Variants in GAREM2 observed in about 807,000 individuals in gnomAD.
GAREM2 encodes the protein GRB2 associated regulator of MAPK1 subtype 2.
A neutral mutation model predicts 55.6 loss-of-function variants in GAREM2; 30 were observed. The ratio of observed to expected loss-of-function variants is 0.54; its 90% CI spans 0.40 to 0.73. GAREM2 has a LOEUF of 0.73. Ranked by LOEUF, GAREM2 falls within the 30% of genes least tolerant of loss-of-function variation. The pLI, the probability that GAREM2 is intolerant of heterozygous loss-of-function variation, is 0.00. For missense variants in GAREM2, 1,075 were observed against 1,257.7 expected, an observed-to-expected ratio of 0.85 and a Z score of 2.20; for synonymous variants, 550 against 569.1, an observed-to-expected ratio of 0.97 and a Z score of 0.48.
chr2:26,194,955 T>C, the GAREM2 span: 8 of 832,600 alleles, frequency 9.6e-6, no homozygotes, highest in Non-Finnish European at 1.7e-5. Flanking sequence ...CCACCGTCCA[T>C]CCTGGAGACA....
rs112948982 is a variant in GAREM2 at position 26,179,052 on chromosome 2, A to C, written c.253+2568A>C. ...CGGCTGCGGACCGCGGAGAGAGCCG[A>C]GGGGAAGGCCGTGGAGGGAGGAGGA... On this transcript the variant is annotated intron_variant, in intron 2 of 5. Transcript: ENST00000401533. The surrounding 1 kb of genome is among the most constrained non-coding windows in gnomAD (Gnocchi z 4.7). Among the ~76,000 whole-genome samples the C allele has an allele frequency of 0.032, 4,819 of 152,116 alleles. 260 individuals are homozygous for C. The highest frequency in any genetic ancestry group is 0.11 in the African/African-American group (4,521 of 41,472).
intron 3 of GAREM2, among the ~76,000 whole-genome samples, chr2:26,183,299 G>A (rs535522187): frequency 3.5e-4 from 53 of 152,370 alleles, no homozygotes; most frequent in Non-Finnish European, 6.3e-4. Context: ...CCTATGAAAG[G>A]TAGTGAAGCA....
chr2:26,192,204 C>T (rs1284481448), downstream of GAREM2: 3 of 694,902 alleles, frequency 4.3e-6, no homozygotes, highest in East Asian at 2.6e-5. Context: ...ACATGTATCC[C>T]AGGACTTAAA....
At position 26,188,836 on chromosome 2, in the gene GAREM2, C is replaced by A. The variant is rs577314774; in HGVS notation, c.*579C>A. The A allele has an allele frequency of 6.6e-6, 1 of 152,370 alleles. No homozygotes were observed. Among genetic ancestry groups the A allele is most frequent in the Non-Finnish European group, 1.5e-5 (1 of 68,176 alleles). 9.4% of individuals were successfully genotyped at this position (152,370 alleles called of 1,614,324 possible). A position where few individuals can be genotyped will look rare whatever the true frequency, so the allele number is the denominator to read the frequency against. ...GGCCTGGCCCCGCACACAGGTGAGT[C>A]GTGTACAAGCCTAACCCATGGCACC... On this transcript the variant is annotated 3_prime_UTR_variant, in exon 6 of 6. Transcript: ENST00000401533.
At chr2:26,190,852 A>C (rs930966635), downstream of GAREM2, 1 of 302,500 alleles carries the variant, frequency 3.3e-6, no homozygotes, top group Non-Finnish European at 6.3e-6. Flanking sequence ...GAGGCGTTTA[A>C]ACCAGAAGGG....
Position 26,181,922 on chromosome 2 carries a change from T to C in GAREM2, c.254-1045T>C, listed in dbSNP as rs571451697. On this transcript the variant is annotated intron_variant, in intron 2 of 5. Transcript: ENST00000401533. ...TGAGCCCAGAAGGTTGAAGCTGCAG[T>C]GAGTTGTGATCATGCCACTGTACTC... 4.9e-5 allele frequency: 38 copies of C among 781,284 alleles called. No homozygotes were observed. In the South Asian group the frequency reaches 2.0e-3, roughly 41 times the overall value. The allele number at this position is 781,284 out of a possible 1,614,324, so 48.4% of individuals were successfully genotyped here. A position where few individuals can be genotyped will look rare whatever the true frequency, so the allele number is the denominator to read the frequency against.
chr2:26,196,373 G>A, the GAREM2 span, among the ~76,000 whole-genome samples: 1 of 152,134 alleles, frequency 6.6e-6, no homozygotes, highest in African/African-American at 2.4e-5. Flanking sequence ...CAGTACTCCT[G>A]AGCAAAAGGA....
chr2:26,197,100 G>C, the GAREM2 span, among the ~76,000 whole-genome samples: 1 of 152,210 alleles, frequency 6.6e-6, no homozygotes, highest in Non-Finnish European at 1.5e-5. Flanking sequence ...GTTCTGGTTA[G>C]CAGAGGCTAA....
At chr2:26,201,999 C>T in the GAREM2 span, among the ~76,000 whole-genome samples, 4 of 151,158 alleles carry the variant, frequency 2.6e-5, no homozygotes, top group African/African-American at 9.7e-5. Flanking sequence ...TGGGGTTTCA[C>T]CATCTTGGCC....
downstream of GAREM2, among the ~76,000 whole-genome samples, chr2:26,190,109 G>A (rs947565038): frequency 7.2e-5 from 11 of 152,204 alleles, no homozygotes; most frequent in African/African-American, 2.7e-4. Context: ...CTTGGTTTTA[G>A]AGTCTGGCTT....
Position 26,179,899 on chromosome 2 carries a change from T to C in GAREM2, c.254-3068T>C, listed in dbSNP as rs966687729. ...GGGGCAGTGGGCATTGCTCCCTGCCTGGCTACTTGTGGTTGGGGCAGGGGC... is the reference window on the plus strand; with the variant it reads ...GGGGCAGTGGGCATTGCTCCCTGCCCGGCTACTTGTGGTTGGGGCAGGGGC... On this transcript the variant is annotated intron_variant, in intron 2 of 5. Coordinates refer to ENST00000401533, the MANE Select transcript of GAREM2 (RefSeq NM_001168241.2). This position sits in a 1 kb window ranked among gnomAD's most constrained non-coding sequence, Gnocchi z 4.7. Among the ~76,000 whole-genome samples the C allele has an allele frequency of 3.3e-5, 5 of 149,520 alleles. No individual in the cohort carries two copies. The highest frequency in any genetic ancestry group is 3.3e-4 in the Admixed American group (5 of 15,050).
At chr2:26,193,827 A>G (rs1574602488), downstream of GAREM2, 6 of 1,376,440 alleles carry the variant, frequency 4.4e-6, no homozygotes, top group Admixed American at 8.4e-5. Flanking sequence ...AATCCCCCCA[A>G]AGGGCTCCCT....
chr2:26,195,359 C>T, the GAREM2 span: 1 of 857,934 alleles, frequency 1.2e-6, no homozygotes, highest in Non-Finnish European at 2.0e-6. Flanking sequence ...CTTGACATAG[C>T]TGAGTGGTTT....
the GAREM2 span, chr2:26,195,238 A>G: frequency 1.2e-6 from 2 of 1,611,866 alleles, no homozygotes; most frequent in South Asian, 1.1e-5. Context: ...ATCACCTGGC[A>G]AGGGGAACCA....
At chr2:26,189,837 C>T (rs986859700), downstream of GAREM2, among the ~76,000 whole-genome samples, 7 of 152,156 alleles carry the variant, frequency 4.6e-5, no homozygotes, top group Admixed American at 2.6e-4. Flanking sequence ...GCAGGGCCCT[C>T]GCCAGCCCCT....
downstream of GAREM2, chr2:26,193,877 T>C: frequency 2.3e-6 from 2 of 876,192 alleles, no homozygotes; most frequent in Non-Finnish European, 3.8e-6. Flanking sequence ...AACCCACTTC[T>C]GAGTGTCACC....
Position 26,186,371 on chromosome 2 carries a change from C to T in GAREM2, c.1598+13C>T. On this transcript the variant is annotated intron_variant, in intron 5 of 5. Coordinates refer to ENST00000401533, the MANE Select transcript of GAREM2 (RefSeq NM_001168241.2). ...GCCTCCAGGATGGGTGAGTCCCTGC[C>T]TTCCCTTGGTCCTGAGTTCTAAGGT... is the stretch of plus-strand genomic sequence containing the variant. The T allele has an allele frequency of 6.4e-7, 1 of 1,551,198 alleles. No homozygotes were observed. Among genetic ancestry groups the T allele is most frequent in the Non-Finnish European group, 8.7e-7 (1 of 1,146,472 alleles).
chr2:26,191,652 G>A (rs764719697), downstream of GAREM2: 5 of 1,613,408 alleles, frequency 3.1e-6, no homozygotes, highest in South Asian at 5.5e-5. Flanking sequence ...GAGATGTTTA[G>A]GTAGAAGAAG....
rs372552496 is a variant in GAREM2, at chr2:26,186,256, G to C, written c.1496G>C (p.Arg499Pro). The C allele has an allele frequency of 2.6e-4, 398 of 1,549,838 alleles. 2 individuals are homozygous for C. In the African/African-American group the frequency reaches 4.8e-3, roughly 19 times the overall value. The change falls in exon 5 of 6, where the codon CGG (arginine) becomes CCG (proline). Residue 499 changes from arginine to proline, a missense_variant. Physicochemically the swap from Arg to Pro is moderately radical, Grantham distance 103 (BLOSUM62 -2). Transcript: ENST00000401533. ...VPPRGGNGSG[R>P]LSSSPPVPPR... ...CCCCGGGGTGGCAATGGCAGCGGCC[G>C]GCTCTCCAGCAGCCCCCCGGTTCCC...
Sources: gnomAD v4.1 joint callset for allele counts (sites outside exome capture counted in the v4.1 genomes callset) on GRCh38, gnomAD v4.1.1 for gene constraint, Gnocchi (gnomAD v3.1) non-coding constraint, MANE v1.5 for transcripts, NCBI Gene and HGNC (gene_info 2026-07-23, HGNC 2026-07-21) for gene names.